The following SSH3 variants were observed in gnomAD, a reference collection of about 807,000 sequenced individuals.
SSH3 encodes the protein slingshot protein phosphatase 3.
SSH3 carries 67 observed loss-of-function variants against 75.0 expected under a neutral mutation model. That is an observed-to-expected ratio of 0.89 (90% CI 0.73 to 1.10). The LOEUF is 1.10. Among genes scored for constraint, SSH3 ranks in the 50% least tolerant of loss-of-function variants. The probability of loss-of-function intolerance (pLI) is 0.00; values close to 1 mark genes in which losing one functional copy is unlikely to be tolerated. For missense variants in SSH3, 824 were observed against 872.7 expected, an observed-to-expected ratio of 0.94 and a Z score of 0.70; for synonymous variants, 318 against 349.2, an observed-to-expected ratio of 0.91 and a Z score of 1.00.
Position 67,310,135 on chromosome 11 carries a change from C to G in SSH3, c.1479C>G (p.Val493=), listed in dbSNP as rs1861370878. The change falls in exon 13 of 14, where the codon GTC becomes GTG. Residue 493 remains valine (V), a synonymous_variant. Coordinates refer to ENST00000308127, the MANE Select transcript of SSH3 (RefSeq NM_017857.4). ...VSPEEHPAPE[V]STPFPPLPPE... is the part of the protein sequence containing the mutation. ...CAGAGGAGCACCCAGCCCCTGAAGTCTCTACACCATTCCCACCTCTTCCGC... is the reference window on the plus strand; with the variant it reads ...CAGAGGAGCACCCAGCCCCTGAAGTGTCTACACCATTCCCACCTCTTCCGC... 1 of 1,614,194 alleles carries G rather than the reference C, an allele frequency of 6.2e-7. No individual in the cohort carries two copies. Among genetic ancestry groups the G allele is most frequent in the East Asian group, 2.2e-5 (1 of 44,894 alleles).
Position 67,308,486 on chromosome 11 carries a change from C to T in SSH3, c.1061+28C>T, listed in dbSNP as rs1338881530. On this transcript the variant is annotated intron_variant, in intron 10 of 13. Coordinates refer to ENST00000308127, the MANE Select transcript of SSH3 (RefSeq NM_017857.4). This position sits in a 1 kb window ranked among gnomAD's most constrained non-coding sequence, Gnocchi z 4.9. ...AGGGCTATGAGCCCCTCGGGCCACC[C>T]ACCCCATCTTCCCTTCTCCTGGCCT... 3 of 1,559,494 alleles carry T rather than the reference C, an allele frequency of 1.9e-6. No homozygotes were observed. Among genetic ancestry groups the T allele is most frequent in the Non-Finnish European group, 2.6e-6 (3 of 1,152,514 alleles).
At chr11:67,311,556 CCT>C (rs759735761) in intron 13 of SSH3, 33 bp from the exon 14 acceptor site, 11 of 1,610,406 alleles carry the variant, frequency 6.8e-6, no homozygotes, top group Non-Finnish European at 8.5e-6. Flanking sequence ...CCCAGAAAGG[CCT>C]CCCATGGCTT....
chr11:67,311,775 A>AGCAGGGGCAGGG lies in SSH3; in HGVS notation c.1881_1892dup (p.Gln628_Gly631dup), dbSNP rs374416427. 4 of 1,613,758 alleles carry AGCAGGGGCAGGG rather than the reference A, an allele frequency of 2.5e-6. No homozygotes were observed. The highest frequency in any genetic ancestry group is 3.4e-6 in the Non-Finnish European group (4 of 1,179,914). On this transcript the variant is annotated inframe_insertion, in exon 14 of 14. Transcript: ENST00000308127. The stretch of plus-strand genomic sequence containing the variant: ...CGGACCCAGGCCTTCCAGGAGCAGG[A>AGCAGGGGCAGGG]GCAGGGGCAGGGGCAGGGGCAGGGA...
chr11:67,308,090 C>T lies in SSH3; in HGVS notation c.886-84C>T. ...TAATCCATCTAGATGGGATAGGGTG[C>T]TGTCCTCAGAGGTCCCAGAGGGAAG... On this transcript the variant is annotated intron_variant, in intron 8 of 13. Transcript: ENST00000308127. The surrounding 1 kb of genome is among the most constrained non-coding windows in gnomAD (Gnocchi z 4.9). 6.3e-7 allele frequency: 1 copy of T among 1,586,552 alleles called. No homozygotes were observed. The highest frequency in any genetic ancestry group is 8.6e-7 in the Non-Finnish European group (1 of 1,166,794).
At position 67,311,827 on chromosome 11, in the gene SSH3, GT is replaced by G; in HGVS notation, c.1922del (p.Phe641SerfsTer5). On this transcript the variant is annotated frameshift_variant, in exon 14 of 14. Transcript: ENST00000308127. LOFTEE classifies it high-confidence loss of function. ...GEPCISSTPR[F>X]RKVVRQASVH... The stretch of plus-strand genomic sequence containing the variant: ...AGCCCTGCATTTCCTCTACGCCCAG[GT>G]TCCGGAAGGTGGTGAGACAGGCCAG... The G allele has an allele frequency of 1.2e-6, 2 of 1,613,102 alleles. No individual in the cohort carries two copies. The highest frequency in any genetic ancestry group is 1.7e-6 in the Non-Finnish European group (2 of 1,179,950).
chr11:67,311,998 C>T lies in SSH3; in HGVS notation c.*111C>T, dbSNP rs753753121. On this transcript the variant is annotated 3_prime_UTR_variant, in exon 14 of 14. Transcript: ENST00000308127. ...ATTCCTCTCAGCTCCGCCCCATACCCGTCACTACAGCCTCACCTCCCACCC... is the reference window on the plus strand; with the variant it reads ...ATTCCTCTCAGCTCCGCCCCATACCTGTCACTACAGCCTCACCTCCCACCC... 22 of 1,424,814 alleles carry T rather than the reference C, an allele frequency of 1.5e-5. No homozygotes were observed. Among genetic ancestry groups the T allele is most frequent in the South Asian group, 9.3e-5 (7 of 75,282 alleles). 88.3% of individuals were successfully genotyped at this position (1,424,814 alleles called of 1,614,324 possible). A position where few individuals can be genotyped will look rare whatever the true frequency, so the allele number is the denominator to read the frequency against.
Position 67,306,835 on chromosome 11 carries a change from C to T in SSH3, c.340-3C>T. 3 of 1,608,354 alleles carry T rather than the reference C, an allele frequency of 1.9e-6. No individual in the cohort carries two copies. The highest frequency in any genetic ancestry group is 2.2e-5 in the East Asian group (1 of 44,760). On this transcript the variant is annotated splice_polypyrimidine_tract_variant and splice_region_variant and intron_variant, in intron 3 of 13. Coordinates refer to ENST00000308127, the MANE Select transcript of SSH3 (RefSeq NM_017857.4). ...TGACCCTGGGTTCCTCATCTCCCCCCAGGCAGCCCAGCTGGAGGCACCCCG... is the reference window on the plus strand; with the variant it reads ...TGACCCTGGGTTCCTCATCTCCCCCTAGGCAGCCCAGCTGGAGGCACCCCG...
chr11:67,310,274 T>C lies in SSH3; in HGVS notation c.1618T>C (p.Ser540Pro). 1 of 1,613,978 alleles carries C rather than the reference T, an allele frequency of 6.2e-7. No individual in the cohort carries two copies. The highest frequency in any genetic ancestry group is 1.3e-5 in the African/African-American group (1 of 74,986). The change falls in exon 13 of 14, where the codon TCC becomes CCC. Residue 540 changes from serine to proline, a missense_variant. Ser to Pro is a moderately conservative substitution (Grantham distance 74). Transcript: ENST00000308127. ...PRINLRGVMR[S>P]ISLLEPSLEL... ...TATAAACCTCCGAGGGGTCATGAGG[T>C]CCATCAGTCTTCTGGAGCCCTCCTT...
In SSH3 at chr11:67,307,169, G is replaced by A; in HGVS notation, c.536+56G>A. On this transcript the variant is annotated intron_variant, in intron 5 of 13. Coordinates refer to ENST00000308127, the MANE Select transcript of SSH3 (RefSeq NM_017857.4). This position sits in a 1 kb window ranked among gnomAD's most constrained non-coding sequence, Gnocchi z 4.2. ...GAGGGTGGAATAACTGAGTGTGACG[G>A]ATGTGACGGGGCCTGGGCACCAGGG... is the stretch of plus-strand genomic sequence containing the variant. The A allele has an allele frequency of 6.2e-7, 1 of 1,601,252 alleles. No individual in the cohort carries two copies. Among genetic ancestry groups the A allele is most frequent in the Non-Finnish European group, 8.5e-7 (1 of 1,174,768 alleles).
rs749673483 is a variant in SSH3 at position 67,307,984 on chromosome 11, C to T, written c.885+45C>T. The T allele has an allele frequency of 2.5e-6, 4 of 1,611,444 alleles. No homozygotes were observed. Among genetic ancestry groups the T allele is most frequent in the Non-Finnish European group, 3.4e-6 (4 of 1,178,326 alleles). On this transcript the variant is annotated intron_variant, in intron 8 of 13. Coordinates refer to ENST00000308127, the MANE Select transcript of SSH3 (RefSeq NM_017857.4). The surrounding 1 kb of genome is among the most constrained non-coding windows in gnomAD (Gnocchi z 4.2). ...ACTGAGTCCCCTCTAGCAGGGGCTG[C>T]AAGCTTGCCTTTCCTGGGAGCCCTC...
rs1326018366 is a variant in SSH3, at chr11:67,309,815, G to A, written c.1256G>A (p.Arg419His). ...GTCCACTGCAAGATGGGCGTCAGCC[G>A]CTCAGCGGCCACAGTGCTGGCCTAT... ...VLVHCKMGVSRSAATVLAYAM... is the reference protein window; with the variant it reads ...VLVHCKMGVSHSAATVLAYAM... The change falls in exon 12 of 14, where the codon CGC becomes CAC. Residue 419 changes from arginine (R) to histidine (H), a missense_variant. Arg to His is a conservative substitution (Grantham distance 29, BLOSUM62 0). Transcript: ENST00000308127. The A allele has an allele frequency of 4.3e-6, 7 of 1,613,228 alleles. No homozygotes were observed. Among genetic ancestry groups the A allele is most frequent in the East Asian group, 2.2e-5 (1 of 44,904 alleles).
rs1265956320 is a variant in SSH3, at chr11:67,310,199, A to G, written c.1543A>G (p.Met515Val). Reference sequence around the variant, plus strand: ...TGGTGGGGAGGAGAAGGTTGTAGGCATGGAAGAGAGCCAGGCAGCCCCGAA... The same window carrying G: ...TGGTGGGGAGGAGAAGGTTGTAGGCGTGGAAGAGAGCCAGGCAGCCCCGAA... ...EGGGEEKVVGMEESQAAPKEE... is the reference protein window; with the variant it reads ...EGGGEEKVVGVEESQAAPKEE... Residue 515 changes from methionine to valine, a missense_variant, in exon 13 of 14, where the codon ATG becomes GTG. Coordinates refer to ENST00000308127, the MANE Select transcript of SSH3 (RefSeq NM_017857.4). The G allele has an allele frequency of 6.2e-7, 1 of 1,614,074 alleles. No homozygotes were observed. The highest frequency in any genetic ancestry group is 8.5e-7 in the Non-Finnish European group (1 of 1,180,034).
Position 67,309,457 on chromosome 11 carries a change from C to G in SSH3, c.1122C>G (p.Thr374=), listed in dbSNP as rs745501357. 10 of 1,614,180 alleles carry G rather than the reference C, an allele frequency of 6.2e-6. No individual in the cohort carries two copies. In the South Asian group the frequency reaches 1.1e-4, roughly 18 times the overall value. Residue 374 remains threonine, a synonymous_variant, in exon 11 of 14, where the codon ACC becomes ACG. Coordinates refer to ENST00000308127, the MANE Select transcript of SSH3 (RefSeq NM_017857.4). ...EIDNFYPERF[T]YHNVRLWDEE... ...ACAACTTCTACCCTGAGCGCTTCAC[C>G]TACCACAATGTGCGCCTCTGGGATG...
In SSH3 at chr11:67,308,403, C is replaced by G. The variant is rs1439922153; in HGVS notation, c.1015-9C>G. Reference sequence around the variant, plus strand: ...GGAGAGGAGAAATGTGCTGTTCCCTCTCTCCCAGGGCTCAGAGTGGAACGC... The same window carrying G: ...GGAGAGGAGAAATGTGCTGTTCCCTGTCTCCCAGGGCTCAGAGTGGAACGC... On this transcript the variant is annotated splice_polypyrimidine_tract_variant and intron_variant, in intron 9 of 13. Transcript: ENST00000308127. This position sits in a 1 kb window ranked among gnomAD's most constrained non-coding sequence, Gnocchi z 4.9. 8 of 1,613,074 alleles carry G rather than the reference C, an allele frequency of 5.0e-6. No individual in the cohort carries two copies. Among genetic ancestry groups the G allele is most frequent in the Non-Finnish European group, 6.8e-6 (8 of 1,179,602 alleles).
chr11:67,310,380 G>A lies in SSH3; in HGVS notation c.1683+41G>A, dbSNP rs1439886643. The A allele has an allele frequency of 3.8e-6, 6 of 1,565,224 alleles. No individual in the cohort carries two copies. In the Admixed American group the frequency reaches 1.1e-4, roughly 29 times the overall value. On this transcript the variant is annotated intron_variant, in intron 13 of 13. Transcript: ENST00000308127. ...GGGGAGCTCAGCTTGCAGGGGTGGGGGCCATAAGGAGGGAGATGGGGAAAG... is the reference window on the plus strand; with the variant it reads ...GGGGAGCTCAGCTTGCAGGGGTGGGAGCCATAAGGAGGGAGATGGGGAAAG...
chr11:67,306,150 G>C (rs1013502586), intron 3 of SSH3, among the ~76,000 whole-genome samples: 1 of 151,966 alleles, frequency 6.6e-6, no homozygotes, highest in African/African-American at 2.4e-5. Context: ...TTAGCCAGGC[G>C]TGGTGGCGGG....
chr11:67,307,054 C>T lies in SSH3; in HGVS notation c.477C>T (p.Cys159=), dbSNP rs1861266273. ...TGTCCCCTGCCAGCTCCCCCAGCTG[C>T]ACCCTGGGCCTGGTCTTGCCCCTCT... ...VDFPDSSSPS[C]TLGLVLPLWS... is the part of the protein sequence containing the mutation. The change falls in exon 5 of 14, where the codon TGC becomes TGT. Residue 159 remains cysteine, a synonymous_variant. Transcript: ENST00000308127. The surrounding 1 kb of genome is among the most constrained non-coding windows in gnomAD (Gnocchi z 4.2). 6.2e-7 allele frequency: 1 copy of T among 1,613,968 alleles called. No individual in the cohort carries two copies. Among genetic ancestry groups the T allele is most frequent in the South Asian group, 1.1e-5 (1 of 91,092 alleles).
At position 67,308,586 on chromosome 11, in the gene SSH3, T is replaced by G; in HGVS notation, c.1061+128T>G. On this transcript the variant is annotated intron_variant, in intron 10 of 13. Coordinates refer to ENST00000308127, the MANE Select transcript of SSH3 (RefSeq NM_017857.4). This position sits in a 1 kb window ranked among gnomAD's most constrained non-coding sequence, Gnocchi z 4.9. ...CAGCTGCTAGCTCTGCTTCTAACTC[T>G]GTCCTGGGGCTGTTGCCCTGGTGTG... The G allele has an allele frequency of 7.5e-7, 1 of 1,338,874 alleles. No homozygotes were observed. The highest frequency in any genetic ancestry group is 1.0e-6 in the Non-Finnish European group (1 of 973,820). 82.9% of individuals were successfully genotyped at this position (1,338,874 alleles called of 1,614,324 possible). A position where few individuals can be genotyped will look rare whatever the true frequency, so the allele number is the denominator to read the frequency against.
Position 67,311,794 on chromosome 11 carries a change from G to T in SSH3, c.1887G>T (p.Gly629=), listed in dbSNP as rs146995579. The change falls in exon 14 of 14, where the codon GGG becomes GGT. Residue 629 remains glycine, a synonymous_variant. Transcript: ENST00000308127. ...FQEQEQGQGQ[G]QGEPCISSTP... ...AGCAGGAGCAGGGGCAGGGGCAGGG[G>T]CAGGGAGAGCCCTGCATTTCCTCTA... 1.6e-4 allele frequency: 256 copies of T among 1,613,666 alleles called. 2 individuals are homozygous for T. In the African/African-American group the frequency reaches 3.1e-3, roughly 19 times the overall value.
Sources: gnomAD v4.1 joint callset for allele counts (sites outside exome capture counted in the v4.1 genomes callset) on GRCh38, gnomAD v4.1.1 for gene constraint, Gnocchi (gnomAD v3.1) non-coding constraint, MANE v1.5 for transcripts, NCBI Gene and HGNC (gene_info 2026-07-23, HGNC 2026-07-21) for gene names.